Variants in SYNPR observed in about 807,000 individuals in gnomAD.
The protein encoded by SYNPR is synaptoporin.
Under a neutral mutation model 32.9 loss-of-function variants are expected in SYNPR, and 23 were observed. That is an observed-to-expected ratio of 0.70 (90% CI 0.50 to 0.99). The LOEUF (loss-of-function observed/expected upper bound fraction) is 0.99. SYNPR is among the 50% of genes least tolerant of loss of function. The pLI, the probability that SYNPR is intolerant of heterozygous loss-of-function variation, is 0.00. For synonymous variants in SYNPR, 146 were observed against 135.9 expected (o/e 1.07, Z -0.52); for missense variants, 318 against 349.3 (o/e 0.91, Z 0.71).
At chr3:63,235,850 A>G (rs944326625) in intron 1 of SYNPR, among the ~76,000 whole-genome samples, 1 of 152,138 alleles carries the variant, frequency 6.6e-6, no homozygotes, top group Non-Finnish European at 1.5e-5. Context: ...GTCTTTTAAC[A>G]GATCAAAAGT....
chr3:63,286,091 T>C (rs2086677756), intron 2 of SYNPR, among the ~76,000 whole-genome samples: 1 of 152,222 alleles, frequency 6.6e-6, no homozygotes, highest in Non-Finnish European at 1.5e-5. Context: ...CATACCTCTT[T>C]TTAGCCCCTC....
At chr3:63,456,837 C>T (rs1280531318) in intron 2 of SYNPR, among the ~76,000 whole-genome samples, 4 of 152,076 alleles carry the variant, frequency 2.6e-5, no homozygotes, top group Non-Finnish European at 2.9e-5. Flanking sequence ...CTCCCCACTC[C>T]GATGCCTTTA....
At chr3:63,530,528 A>G (rs1390633646) in intron 3 of SYNPR, among the ~76,000 whole-genome samples, 1 of 152,242 alleles carries the variant, frequency 6.6e-6, no homozygotes, top group African/African-American at 2.4e-5. Flanking sequence ...TAATGTAAGT[A>G]AAAACACTCA....
chr3:63,203,068 GTATATATATATATATATATATA>G, the SYNPR span: 5 of 108,594 alleles, frequency 4.6e-5, no homozygotes, highest in African/African-American at 4.6e-5. Context: ...ATATGTATGT[GTATATATATATATATATATATA>G]TATATATATA....
chr3:63,326,526 A>T (rs2087170360), intron 2 of SYNPR, among the ~76,000 whole-genome samples: 1 of 152,172 alleles, frequency 6.6e-6, no homozygotes, highest in Non-Finnish European at 1.5e-5. Flanking sequence ...AATGGGCATC[A>T]CCATTCCTTA....
chr3:63,437,925 T>C (rs1432404594), intron 2 of SYNPR, among the ~76,000 whole-genome samples: 1 of 152,188 alleles, frequency 6.6e-6, no homozygotes, highest in Non-Finnish European at 1.5e-5. Context: ...TTCAGCCTGC[T>C]GGGACACAGA....
At chr3:63,200,685 G>C in the SYNPR span, among the ~76,000 whole-genome samples, 1 of 151,912 alleles carries the variant, frequency 6.6e-6, no homozygotes, top group African/African-American at 2.4e-5. Flanking sequence ...ATAGACTGGT[G>C]TTTCTCTTTT....
intron 3 of SYNPR, among the ~76,000 whole-genome samples, chr3:63,488,549 T>G (rs1000224024): frequency 3.3e-5 from 5 of 152,194 alleles, no homozygotes; most frequent in Admixed American, 1.3e-4. Flanking sequence ...TTATTGGGCC[T>G]CAGCTTCCTT....
the SYNPR span, among the ~76,000 whole-genome samples, chr3:63,221,092 A>G: frequency 6.4e-4 from 98 of 152,314 alleles, no homozygotes; most frequent in East Asian, 0.016. Context: ...GAAGAAATGA[A>G]GAATTTGGAT....
intron 3 of SYNPR, among the ~76,000 whole-genome samples, chr3:63,543,050 C>T (rs1702335685): frequency 6.6e-6 from 1 of 152,002 alleles, no homozygotes; most frequent in African/African-American, 2.4e-5. Context: ...TATTAGAAAT[C>T]ATAACTAATA....
upstream of SYNPR, among the ~76,000 whole-genome samples, chr3:63,224,565 A>G (rs1429515981): frequency 6.6e-6 from 1 of 152,206 alleles, no homozygotes; most frequent in East Asian, 1.9e-4. Flanking sequence ...CATTTTTTAA[A>G]GGAGGCATGA....
At chr3:63,314,354 G>T (rs1321512074) in intron 2 of SYNPR, among the ~76,000 whole-genome samples, 7 of 151,444 alleles carry the variant, frequency 4.6e-5, no homozygotes, top group Non-Finnish European at 1.5e-5. Flanking sequence ...AGTGTTCCCT[G>T]TTCACTGCAT....
At chr3:63,584,876 A>G (rs1473176121) in intron 4 of SYNPR, among the ~76,000 whole-genome samples, 3 of 152,088 alleles carry the variant, frequency 2.0e-5, no homozygotes, top group African/African-American at 7.2e-5. Flanking sequence ...TTCTCAAAGT[A>G]TGTCCAGTGA....
At chr3:63,563,275 C>T (rs1469259659) in intron 4 of SYNPR, among the ~76,000 whole-genome samples, 1 of 152,156 alleles carries the variant, frequency 6.6e-6, no homozygotes, top group Non-Finnish European at 1.5e-5. Flanking sequence ...TTGAATCCCA[C>T]TCCATTAGAT....
chr3:63,407,350 A>T (rs2088373527), intron 2 of SYNPR, among the ~76,000 whole-genome samples: 1 of 152,208 alleles, frequency 6.6e-6, no homozygotes, highest in Non-Finnish European at 1.5e-5. Flanking sequence ...ATGAGTTATG[A>T]ACAGCTTATC....
At chr3:63,440,197 G>T (rs554007767) in intron 2 of SYNPR, among the ~76,000 whole-genome samples, 1 of 152,140 alleles carries the variant, frequency 6.6e-6, no homozygotes, top group Non-Finnish European at 1.5e-5. Flanking sequence ...AAGGAAGAGA[G>T]GGCAGGAAAA....
Position 63,255,929 on chromosome 3 carries a change from G to A in SYNPR, n.154+3343G>A, listed in dbSNP as rs536015714. 7.2e-5 allele frequency among the ~76,000 whole-genome samples: 11 copies of A among 152,322 alleles called. No homozygotes were observed. The South Asian group carries it at 1.2e-3, about 17-fold the overall frequency. ...GGCACACCAGGAGACTATATGCCGCGCCTAGCTCAGAGGGTCCTACGCCCA... is the reference window on the plus strand; with the variant it reads ...GGCACACCAGGAGACTATATGCCGCACCTAGCTCAGAGGGTCCTACGCCCA... On this transcript the variant is annotated intron_variant and non_coding_transcript_variant, in intron 2 of 4. Coordinates refer to the SYNPR transcript ENST00000478456.
intron 2 of SYNPR, chr3:63,445,716 T>A: frequency 5.8e-6 from 3 of 515,766 alleles, no homozygotes; most frequent in Non-Finnish European, 1.0e-5. Flanking sequence ...AGGACAAGTA[T>A]GTAACTTACT....
chr3:63,266,649 G>T (rs2086487185), intron 2 of SYNPR, among the ~76,000 whole-genome samples: 1 of 147,068 alleles, frequency 6.8e-6, no homozygotes, highest in Non-Finnish European at 1.5e-5. Context: ...GGAGGTTGCA[G>T]TGAGCTGAGA....
Sources: allele counts gnomAD v4.1 joint callset (sites outside exome capture counted in the v4.1 genomes callset), GRCh38; gene constraint gnomAD v4.1.1; transcripts MANE v1.5; gene names NCBI Gene and HGNC (gene_info 2026-07-23, HGNC 2026-07-21).